Variants in PLCXD2 observed in about 807,000 individuals in gnomAD.
PLCXD2 encodes phosphatidylinositol specific phospholipase C X domain containing 2, also known as PI-PLC X domain-containing protein 2.
In PLCXD2, 21 loss-of-function variants were observed where a neutral mutation model predicts 28.6. That is an observed-to-expected ratio of 0.73 (90% CI 0.52 to 1.06). PLCXD2 has a LOEUF of 1.06. Among genes scored for constraint, PLCXD2 ranks in the 50% least tolerant of loss-of-function variants. The probability of loss-of-function intolerance (pLI) is 0.00; values close to 1 mark genes in which losing one functional copy is unlikely to be tolerated. For synonymous variants in PLCXD2, 140 were observed against 150.1 expected, an observed-to-expected ratio of 0.93 and a Z score of 0.49; for missense variants, 369 against 376.7, an observed-to-expected ratio of 0.98 and a Z score of 0.17.
chr3:111,714,511 G>A (rs918159162), intron 3 of PLCXD2, among the ~76,000 whole-genome samples: 100 of 152,288 alleles, frequency 6.6e-4, no homozygotes, highest in Non-Finnish European at 9.9e-4. Flanking sequence ...AGGTGCTAAG[G>A]ATTCAGAGCT....
At chr3:111,712,211 A>G (rs1576463053) in intron 2 of PLCXD2, among the ~76,000 whole-genome samples, 1 of 152,218 alleles carries the variant, frequency 6.6e-6, no homozygotes, top group African/African-American at 2.4e-5. Context: ...GAAGAAAGGC[A>G]TAAAGACCCT....
At chr3:111,700,141 T>C (rs1426008522) in intron 1 of PLCXD2, among the ~76,000 whole-genome samples, 2 of 152,204 alleles carry the variant, frequency 1.3e-5, no homozygotes, top group Admixed American at 1.3e-4. Context: ...TGGGCACTGG[T>C]GTTTTTTAAA....
At chr3:111,706,768 G>A (rs1360784365) in intron 1 of PLCXD2, among the ~76,000 whole-genome samples, 8 of 148,748 alleles carry the variant, frequency 5.4e-5, no homozygotes, top group African/African-American at 2.0e-4. Flanking sequence ...AACCAAAAGT[G>A]TGCAAATTAG....
At chr3:111,712,821 A>T (rs1430319543) in intron 2 of PLCXD2, among the ~76,000 whole-genome samples, 1 of 152,236 alleles carries the variant, frequency 6.6e-6, no homozygotes, top group Non-Finnish European at 1.5e-5. Flanking sequence ...GGGACAGGGA[A>T]AAATATATTC....
chr3:111,707,143 G>A (rs527309616), intron 1 of PLCXD2, among the ~76,000 whole-genome samples: 79 of 152,252 alleles, frequency 5.2e-4, no homozygotes, highest in East Asian at 2.5e-3. Context: ...CAGAATGTGC[G>A]TTTGGACCAT....
Position 111,714,113 on chromosome 3 carries a change from A to G in PLCXD2, c.851A>G (p.Asn284Ser). The change falls in exon 3 of 5, where the codon AAC (asparagine) becomes AGC (serine). Residue 284 changes from asparagine to serine, a missense_variant. Physicochemically the swap from Asn to Ser is conservative, Grantham distance 46 (BLOSUM62 1). Coordinates refer to ENST00000477665, the MANE Select transcript of PLCXD2 (RefSeq NM_001185106.1). ...CGGGGCTTGGTTGGGGGCCTCAAGA[A>G]CACGCTGGTTCATAGGTAAGAATTT... 6.2e-7 allele frequency: 1 copy of G among 1,614,080 alleles called. No homozygotes were observed. The highest frequency in any genetic ancestry group is 1.3e-5 in the African/African-American group (1 of 75,048).
intron 1 of PLCXD2, among the ~76,000 whole-genome samples, chr3:111,676,359 C>T (rs1480067676): frequency 1.3e-5 from 2 of 152,136 alleles, no homozygotes; most frequent in East Asian, 1.9e-4. Flanking sequence ...TCCCTAGACC[C>T]GTCTGGGTTT....
At chr3:111,676,012 G>T (rs915485265) in intron 1 of PLCXD2, among the ~76,000 whole-genome samples, 2 of 152,194 alleles carry the variant, frequency 1.3e-5, no homozygotes, top group Non-Finnish European at 2.9e-5. Flanking sequence ...GTCTCTGTAT[G>T]TATGTATGTA....
chr3:111,715,141 A>C (rs1480074286), intron 3 of PLCXD2, among the ~76,000 whole-genome samples: 1 of 152,220 alleles, frequency 6.6e-6, no homozygotes, highest in Non-Finnish European at 1.5e-5. Context: ...TATGTCAACC[A>C]TGGACAAAAC....
rs1940598759 is a variant in PLCXD2, at chr3:111,675,069, G to C, written c.-177G>C. On this transcript the variant is annotated 5_prime_UTR_variant, in exon 1 of 5. Transcript: ENST00000477665. ...GCGGAGGCTGGGCCGGAGAGAGTGG[G>C]GACTGTGAGTGCTAGTGGGTAAGGA... 1.5e-6 allele frequency: 1 copy of C among 648,814 alleles called. No homozygotes were observed. Among genetic ancestry groups the C allele is most frequent in the Non-Finnish European group, 2.6e-6 (1 of 378,868 alleles). The allele number at this position is 648,814 out of a possible 1,614,324, so 40.2% of individuals were successfully genotyped here.
intron 2 of PLCXD2, among the ~76,000 whole-genome samples, chr3:111,711,974 GA>G (rs1398370670): frequency 1.3e-5 from 2 of 152,130 alleles, no homozygotes; most frequent in Admixed American, 1.3e-4. Context: ...AGTCTCAAGA[GA>G]AAAACTGAAC....
intron 1 of PLCXD2, among the ~76,000 whole-genome samples, chr3:111,699,200 T>A (rs969353008): frequency 1.3e-5 from 2 of 152,250 alleles, no homozygotes; most frequent in African/African-American, 4.8e-5. Flanking sequence ...TATCTTCTTA[T>A]AAGCTTCACT....
chr3:111,716,709 TGC>T (rs1941271719), intron 3 of PLCXD2, among the ~76,000 whole-genome samples: 2 of 152,172 alleles, frequency 1.3e-5, no homozygotes, highest in South Asian at 4.1e-4. Context: ...CATTGTGTTG[TGC>T]CCCGTCCCAT....
chr3:111,686,138 T>C (rs1559791805), intron 1 of PLCXD2, among the ~76,000 whole-genome samples: 2 of 152,216 alleles, frequency 1.3e-5, no homozygotes, highest in African/African-American at 4.8e-5. Flanking sequence ...GTTTCACACA[T>C]AGATACTTCA....
intron 3 of PLCXD2, 78 bp downstream of exon 3, chr3:111,714,206 T>G: frequency 6.7e-7 from 1 of 1,486,670 alleles, no homozygotes; most frequent in Admixed American, 2.3e-5. Context: ...TAAATCGCAG[T>G]AAAGCCATGT....
At chr3:111,715,261 A>G (rs958305226) in intron 3 of PLCXD2, among the ~76,000 whole-genome samples, 1 of 152,204 alleles carries the variant, frequency 6.6e-6, no homozygotes, top group Non-Finnish European at 1.5e-5. Context: ...AAGATCCCGA[A>G]TTAGAAGCTT....
chr3:111,692,312 G>A (rs1940900273), intron 1 of PLCXD2, among the ~76,000 whole-genome samples: 2 of 152,216 alleles, frequency 1.3e-5, no homozygotes, highest in East Asian at 1.9e-4. Flanking sequence ...CAAAGTGCTG[G>A]GATTACAGGC....
intron 1 of PLCXD2, among the ~76,000 whole-genome samples, chr3:111,681,737 G>A (rs1220665616): frequency 6.6e-6 from 1 of 152,176 alleles, no homozygotes; most frequent in Non-Finnish European, 1.5e-5. Flanking sequence ...CCCTTGGAGC[G>A]TGCTGCTTGC....
intron 3 of PLCXD2, chr3:111,725,560 C>A (rs982062530): frequency 5.0e-6 from 2 of 398,202 alleles, no homozygotes; most frequent in Admixed American, 4.4e-5. Context: ...TAACCCTAAA[C>A]AGGCCCTAAC....
Sources: allele counts gnomAD v4.1 joint callset (sites outside exome capture counted in the v4.1 genomes callset), GRCh38; gene constraint gnomAD v4.1.1; transcripts MANE v1.5; gene names NCBI Gene and HGNC (gene_info 2026-07-23, HGNC 2026-07-21).